MOCOS: variants seen among roughly 807,000 people sequenced by gnomAD.
MOCOS encodes the protein molybdenum cofactor sulfurase.
A neutral mutation model predicts 83.6 loss-of-function variants in MOCOS; 86 were observed. The ratio of observed to expected loss-of-function variants is 1.03; its 90% confidence interval spans 0.86 to 1.23. The LOEUF (loss-of-function observed/expected upper bound fraction) is 1.23, where lower values mean the gene tolerates loss of function less well. MOCOS is among the 50% of genes most tolerant of loss of function. The pLI is 0.00. For synonymous variants in MOCOS, 445 were observed against 434.7 expected (o/e 1.02, Z -0.29); for missense variants, 1,120 against 1,126.9 (o/e 0.99, Z 0.09).
At chr18:36,203,057 G>A (rs2091420606) in intron 4 of MOCOS, 56 bp from the exon 5 acceptor site, 1 of 1,520,706 alleles carries the variant, frequency 6.6e-7, no homozygotes, top group Non-Finnish European at 9.1e-7. Flanking sequence ...ACCACGAAAT[G>A]CACATGGATT....
intron 1 of MOCOS, among the ~76,000 whole-genome samples, chr18:36,191,708 A>T (rs1304713414): frequency 6.6e-6 from 1 of 152,006 alleles, no homozygotes; most frequent in Non-Finnish European, 1.5e-5. Flanking sequence ...TCCTGGGATT[A>T]TAGATATGAG....
At chr18:36,243,522 TG>T (rs1206560261) in intron 9 of MOCOS, among the ~76,000 whole-genome samples, 1 of 152,200 alleles carries the variant, frequency 6.6e-6, no homozygotes, top group Non-Finnish European at 1.5e-5. Flanking sequence ...GCTAGGATTT[TG>T]TTGAGGATTT....
At position 36,213,430 on chromosome 18, in the gene MOCOS, C is replaced by A. The variant is rs775408571; in HGVS notation, c.1283C>A (p.Ala428Asp). 6.2e-7 allele frequency: 1 copy of A among 1,614,102 alleles called. No homozygotes were observed. Among genetic ancestry groups the A allele is most frequent in the Admixed American group, 1.7e-5 (1 of 60,026 alleles). The change falls in exon 7 of 15, where the codon GCC becomes GAC. Residue 428 changes from alanine to aspartate, a missense_variant. Coordinates refer to ENST00000261326, the MANE Select transcript of MOCOS (RefSeq NM_017947.4). Reference protein sequence around the residue: ...LRTGCFCNTGACQRHLGISNE... With the variant: ...LRTGCFCNTGDCQRHLGISNE... ...ACTGGCTGCTTCTGTAACACTGGGG[C>A]CTGCCAGAGGCACCTGGGCATAAGC...
At chr18:36,203,212 GT>G (rs774555953) in intron 5 of MOCOS, 23 bp downstream of exon 5, 1 of 1,608,190 alleles carries the variant, frequency 6.2e-7, no homozygotes, top group Non-Finnish European at 8.5e-7. Flanking sequence ...TTCTATCCCT[GT>G]GGAATTTGCT....
chr18:36,195,170 C>T lies in MOCOS; in HGVS notation c.143-87C>T, dbSNP rs117942013. ...GGCACAAGTCAGTGGCCTGATGTTA[C>T]GTCTGCATGCATTAGATGACATTGG... On this transcript the variant is annotated intron_variant, in intron 1 of 14. Coordinates refer to ENST00000261326, the MANE Select transcript of MOCOS (RefSeq NM_017947.4). 164 of 1,090,370 alleles carry T rather than the reference C, an allele frequency of 1.5e-4. 1 individual carries two copies. The East Asian group carries it at 2.6e-3, about 17-fold the overall frequency. The allele number at this position is 1,090,370 out of a possible 1,614,324, so 67.5% of individuals were successfully genotyped here. A position where few individuals can be genotyped will look rare whatever the true frequency, so the allele number is the denominator to read the frequency against.
At chr18:36,229,227 A>AT (rs142632419) in intron 9 of MOCOS, among the ~76,000 whole-genome samples, 2,539 of 151,876 alleles carry the variant, frequency 0.017, 59 homozygotes, top group African/African-American at 0.057. Flanking sequence ...TTTCTTTTGC[A>AT]TTTTTTATAA....
At chr18:36,237,359 C>G (rs1025263049) in intron 9 of MOCOS, among the ~76,000 whole-genome samples, 1 of 151,974 alleles carries the variant, frequency 6.6e-6, no homozygotes, top group African/African-American at 2.4e-5. Context: ...TGAATTTTGT[C>G]AAAGGCCTTT....
At chr18:36,237,865 G>A (rs985587811) in intron 9 of MOCOS, among the ~76,000 whole-genome samples, 3 of 150,292 alleles carry the variant, frequency 2.0e-5, no homozygotes, top group African/African-American at 4.9e-5. Flanking sequence ...TCTTGGGAGA[G>A]TGTATGTGTC....
rs1032460601 is a variant in MOCOS, at chr18:36,269,823, C to T, written c.*1138C>T. On this transcript the variant is annotated 3_prime_UTR_variant, in exon 15 of 15. Transcript: ENST00000261326. ...CCAAATGTCTGCCTGCTGCAGCCCA[C>T]TGCATCTTTTGAAAGCCTGTGCCAC... is the stretch of plus-strand genomic sequence containing the variant. The T allele has an allele frequency of 6.6e-6, 1 of 152,376 alleles. No individual in the cohort carries two copies. The highest frequency in any genetic ancestry group is 1.5e-5 in the Non-Finnish European group (1 of 68,148). 9.4% of individuals were successfully genotyped at this position (152,376 alleles called of 1,614,324 possible).
At chr18:36,190,278 T>C (rs1457465455) in intron 1 of MOCOS, 1 of 152,194 alleles carries the variant, frequency 6.6e-6, no homozygotes, top group Non-Finnish European at 1.5e-5. Context: ...AAGTATCTTT[T>C]TGGACTAGCT....
intron 13 of MOCOS, among the ~76,000 whole-genome samples, chr18:36,261,735 C>T (rs1255548383): frequency 6.6e-6 from 1 of 152,186 alleles, no homozygotes; most frequent in Non-Finnish European, 1.5e-5. Flanking sequence ...AAGCCCATCT[C>T]AGGCACTAGC....
chr18:36,242,991 T>C (rs1296421967), intron 9 of MOCOS, among the ~76,000 whole-genome samples: 1 of 152,224 alleles, frequency 6.6e-6, no homozygotes, highest in Non-Finnish European at 1.5e-5. Context: ...CTTTTCCTCC[T>C]TGGTTAGGTA....
chr18:36,242,362 C>T (rs1219973401), intron 9 of MOCOS, among the ~76,000 whole-genome samples: 1 of 152,216 alleles, frequency 6.6e-6, no homozygotes, highest in African/African-American at 2.4e-5. Context: ...CTGGACTTCA[C>T]TGTCCACATC....
In MOCOS at chr18:36,270,168, T is replaced by C. The variant is rs1351867082; in HGVS notation, c.*1483T>C. Reference sequence around the variant, plus strand: ...GTGGGGTGGGGTGGGGTTTATTGTTTTGAACTGTTTATTAAAAACGCAACC... The same window carrying C: ...GTGGGGTGGGGTGGGGTTTATTGTTCTGAACTGTTTATTAAAAACGCAACC... On this transcript the variant is annotated 3_prime_UTR_variant, in exon 15 of 15. Transcript: ENST00000261326. The C allele has an allele frequency of 6.6e-6, 1 of 152,138 alleles. No homozygotes were observed. The highest frequency in any genetic ancestry group is 1.5e-5 in the Non-Finnish European group (1 of 68,042). 9.4% of individuals were successfully genotyped at this position (152,138 alleles called of 1,614,324 possible).
At chr18:36,247,504 A>G (rs964563751) in intron 9 of MOCOS, among the ~76,000 whole-genome samples, 2 of 152,182 alleles carry the variant, frequency 1.3e-5, no homozygotes, top group African/African-American at 4.8e-5. Context: ...CCCTTCCCCA[A>G]GAACCCCTGT....
At chr18:36,195,900 C>T (rs2091385506) in intron 2 of MOCOS, among the ~76,000 whole-genome samples, 1 of 151,590 alleles carries the variant, frequency 6.6e-6, no homozygotes, top group Non-Finnish European at 1.5e-5. Context: ...TCTGCAGTGA[C>T]AGTGGGGTTG....
intron 1 of MOCOS, among the ~76,000 whole-genome samples, chr18:36,193,183 C>T (rs1266450328): frequency 4.0e-5 from 6 of 150,268 alleles, no homozygotes; most frequent in Non-Finnish European, 7.4e-5. Context: ...CGGTGGCGGG[C>T]GCCTGTAGTC....
chr18:36,195,494 C>T, intron 2 of MOCOS, 148 bp downstream of exon 2: 1 of 712,218 alleles, frequency 1.4e-6, no homozygotes, highest in South Asian at 1.6e-5. Flanking sequence ...GGCAAGCACC[C>T]TGGGTCATTC....
intron 3 of MOCOS, 89 bp downstream of exon 3, chr18:36,198,845 A>G: frequency 7.1e-7 from 1 of 1,410,050 alleles, no homozygotes; most frequent in Non-Finnish European, 1.0e-6. Flanking sequence ...AAAAGTTCTG[A>G]GTTGGTTTCA....
Sources: allele counts gnomAD v4.1 joint callset (sites outside exome capture counted in the v4.1 genomes callset), GRCh38; gene constraint gnomAD v4.1.1; transcripts MANE v1.5; gene names NCBI Gene and HGNC (gene_info 2026-07-23, HGNC 2026-07-21).